The following CYB5R4 variants were observed in gnomAD, a reference collection of about 807,000 sequenced individuals.
The protein encoded by CYB5R4 is N-terminal cytochrome b5 and cytochrome b5 oxidoreductase domain-containing protein.
Under a neutral mutation model 70.2 loss-of-function variants are expected in CYB5R4, and 55 were observed. That is an observed-to-expected ratio of 0.78 (90% confidence interval 0.63 to 0.98). The LOEUF (loss-of-function observed/expected upper bound fraction) is 0.98, where lower values mean the gene tolerates loss of function less well. CYB5R4 is among the 50% of genes least tolerant of loss of function. The pLI, the probability that CYB5R4 is intolerant of heterozygous loss-of-function variation, is 0.00. For missense variants in CYB5R4, 562 were observed against 612.6 expected (o/e 0.92, Z 0.87); for synonymous variants, 197 against 199.5 (o/e 0.99, Z 0.11).
chr6:83,952,008 A>T (rs1161843061), intron 14 of CYB5R4, among the ~76,000 whole-genome samples: 1 of 152,196 alleles, frequency 6.6e-6, no homozygotes, highest in Non-Finnish European at 1.5e-5. Context: ...TACCCAGCCT[A>T]CATTGTCATT....
chr6:83,909,151 T>C, intron 4 of CYB5R4, 61 bp downstream of exon 4: 1 of 1,437,388 alleles, frequency 7.0e-7, no homozygotes, highest in Admixed American at 1.8e-5. Context: ...TTTTTTTAAC[T>C]TGGATTTAAA....
rs189482155 is a variant in CYB5R4, at chr6:83,897,280, G to T, written c.330+3658G>T. Among the ~76,000 whole-genome samples, 793 of 152,138 alleles carry T rather than the reference G, an allele frequency of 5.2e-3. 9 individuals carry two copies. Among genetic ancestry groups the T allele is most frequent in the African/African-American group, 0.018 (757 of 41,490 alleles). On this transcript the variant is annotated intron_variant, in intron 3 of 15. Coordinates refer to ENST00000369681, the MANE Select transcript of CYB5R4 (RefSeq NM_016230.4). ...GCTGCATAGTATTCCATGGTGTATA[G>T]GTGCCACATTTTCTTAATCCAGTCT... is the stretch of plus-strand genomic sequence containing the variant.
chr6:83,965,704 G>A lies in CYB5R4; in HGVS notation c.*5826G>A, dbSNP rs947056140. 3 of 152,048 alleles carry A rather than the reference G, an allele frequency of 2.0e-5. No individual in the cohort carries two copies. The highest frequency in any genetic ancestry group is 4.4e-5 in the Non-Finnish European group (3 of 68,014). 9.4% of individuals were successfully genotyped at this position (152,048 alleles called of 1,614,324 possible). On this transcript the variant is annotated 3_prime_UTR_variant, in exon 16 of 16. Transcript: ENST00000369681. Reference sequence around the variant, plus strand: ...ATAAGATTTGGAGGAGCCAGGGGTGGGATGATATGGTTTGGCTCTGTGTCC... The same window carrying A: ...ATAAGATTTGGAGGAGCCAGGGGTGAGATGATATGGTTTGGCTCTGTGTCC...
intron 1 of CYB5R4, 113 bp downstream of exon 1, chr6:83,859,970 C>A: frequency 9.9e-7 from 1 of 1,014,750 alleles, no homozygotes; most frequent in Non-Finnish European, 1.4e-6. Context: ...AGCTGTCGTT[C>A]CCTGCTGTCC....
At chr6:83,957,264 G>C (rs1385389753) in intron 15 of CYB5R4, among the ~76,000 whole-genome samples, 2 of 152,060 alleles carry the variant, frequency 1.3e-5, no homozygotes, top group East Asian at 3.8e-4. Context: ...GTCTTCTGCT[G>C]TATTGCTTCT....
rs61762814 is a variant in CYB5R4 at position 83,910,209 on chromosome 6, A to G, written c.412+1119A>G. 10,073 of 1,404,182 alleles carry G rather than the reference A, an allele frequency of 7.2e-3. 59 individuals carry two copies. The highest frequency in any genetic ancestry group is 8.6e-3 in the Non-Finnish European group (8,805 of 1,026,650). 87.0% of individuals were successfully genotyped at this position (1,404,182 alleles called of 1,614,324 possible). A position where few individuals can be genotyped will look rare whatever the true frequency, so the allele number is the denominator to read the frequency against. On this transcript the variant is annotated intron_variant, in intron 4 of 15. Coordinates refer to ENST00000369681, the MANE Select transcript of CYB5R4 (RefSeq NM_016230.4). ...ACATCTATTGAATGGGCTGCCTGCC[A>G]GTTGGAAGTTCAACTTTTGTAAAGT...
intron 4 of CYB5R4, among the ~76,000 whole-genome samples, chr6:83,912,781 T>C (rs779499315): frequency 1.3e-5 from 2 of 152,224 alleles, no homozygotes; most frequent in Non-Finnish European, 2.9e-5. Context: ...TAACTCAGTT[T>C]TTGAAAAGAG....
chr6:83,910,687 G>T (rs2099464536), intron 4 of CYB5R4, among the ~76,000 whole-genome samples: 1 of 152,190 alleles, frequency 6.6e-6, no homozygotes, highest in East Asian at 1.9e-4. Context: ...TTCCAGATAA[G>T]AAAGGAATCG....
intron 14 of CYB5R4, among the ~76,000 whole-genome samples, chr6:83,947,328 T>C (rs1488534242): frequency 6.6e-6 from 1 of 152,122 alleles, no homozygotes; most frequent in African/African-American, 2.4e-5. Context: ...ATTTAATAAA[T>C]GGTGTTGGGA....
chr6:83,921,828 G>C (rs1219441998), intron 8 of CYB5R4, among the ~76,000 whole-genome samples: 3 of 152,170 alleles, frequency 2.0e-5, no homozygotes, highest in Non-Finnish European at 4.4e-5. Flanking sequence ...TATGAACACA[G>C]TGAAATTTAC....
At chr6:83,905,249 G>T (rs1364881227) in intron 3 of CYB5R4, among the ~76,000 whole-genome samples, 1 of 152,168 alleles carries the variant, frequency 6.6e-6, no homozygotes, top group African/African-American at 2.4e-5. Context: ...TAGAGATGGG[G>T]TTTCACCATG....
intron 3 of CYB5R4, among the ~76,000 whole-genome samples, chr6:83,897,306 A>G (rs925771601): frequency 5.3e-5 from 8 of 152,138 alleles, no homozygotes; most frequent in South Asian, 2.1e-4. Context: ...AATCCAGTCT[A>G]TCATTGTTGG....
chr6:83,861,101 A>G (rs899116558), intron 1 of CYB5R4, among the ~76,000 whole-genome samples: 1 of 152,206 alleles, frequency 6.6e-6, no homozygotes, highest in Non-Finnish European at 1.5e-5. Context: ...CAGTCTTTCC[A>G]GAAAGAATCT....
At chr6:83,892,793 C>T (rs1179475467) in intron 2 of CYB5R4, among the ~76,000 whole-genome samples, 3 of 151,798 alleles carry the variant, frequency 2.0e-5, no homozygotes, top group Non-Finnish European at 4.4e-5. Flanking sequence ...TCTACCAGGG[C>T]AATATGGAAA....
chr6:83,949,433 T>G (rs1309189741), intron 14 of CYB5R4, among the ~76,000 whole-genome samples: 1 of 152,182 alleles, frequency 6.6e-6, no homozygotes, highest in East Asian at 1.9e-4. Context: ...AAATCATCAC[T>G]CTTTACCATA....
chr6:83,907,157 C>A (rs1588572083), intron 3 of CYB5R4, among the ~76,000 whole-genome samples: 1 of 152,068 alleles, frequency 6.6e-6, no homozygotes, highest in African/African-American at 2.4e-5. Flanking sequence ...CTTACTGCAA[C>A]CTCGAACTCC....
At chr6:83,959,565 C>A (rs2223629) in intron 15 of CYB5R4, among the ~76,000 whole-genome samples, 34,206 of 151,890 alleles carry the variant, frequency 0.23, 7,128 homozygotes, top group African/African-American at 0.55. Flanking sequence ...TTTTAATTGG[C>A]TATTGATTGA....
At chr6:83,874,694 T>A (rs563438756) in intron 2 of CYB5R4, among the ~76,000 whole-genome samples, 1 of 152,280 alleles carries the variant, frequency 6.6e-6, no homozygotes, top group African/African-American at 2.4e-5. Flanking sequence ...AAAACCTGAC[T>A]CTGACCCTCC....
chr6:83,940,315 C>T, intron 13 of CYB5R4, 109 bp downstream of exon 13: 2 of 1,155,772 alleles, frequency 1.7e-6, no homozygotes. Flanking sequence ...ACCATTTCCT[C>T]ATTCATCATT....
Sources: gnomAD v4.1 joint callset for allele counts (sites outside exome capture counted in the v4.1 genomes callset) on GRCh38, gnomAD v4.1.1 for gene constraint, MANE v1.5 for transcripts, NCBI Gene and HGNC (gene_info 2026-07-23, HGNC 2026-07-21) for gene names.